TUBGCP5: variants seen among roughly 807,000 people sequenced by gnomAD.
TUBGCP5 encodes tubulin gamma complex component 5.
In TUBGCP5, 98 loss-of-function variants were observed where a neutral mutation model predicts 134.7. The ratio of observed to expected loss-of-function variants is 0.73; its 90% confidence interval spans 0.62 to 0.86. The LOEUF is 0.86. TUBGCP5 is among the 40% of genes least tolerant of loss of function. The pLI is 0.00. For missense variants in TUBGCP5, 1,150 were observed against 1,244.8 expected, an observed-to-expected ratio of 0.92 and a Z score of 1.15; for synonymous variants, 456 against 431.4, an observed-to-expected ratio of 1.06 and a Z score of -0.71.
chr15:23,015,024 C>T (rs1299927183), intron 13 of TUBGCP5, among the ~76,000 whole-genome samples: 4 of 152,132 alleles, frequency 2.6e-5, no homozygotes, highest in African/African-American at 4.8e-5. Context: ...CCACTGTGTA[C>T]ATGCATGTAC....
Position 23,022,174 on chromosome 15 carries a change from A to G in TUBGCP5, c.1169-13T>C, listed in dbSNP as rs1269747344. On this transcript the variant is annotated splice_polypyrimidine_tract_variant and intron_variant, in intron 10 of 22. Transcript: ENST00000615383. ...GTTATTGTAGTATCTGCAAATATCA[A>G]TAAATCAAACTCAACAGCAAGGAAA... 1.9e-6 allele frequency: 3 copies of G among 1,613,046 alleles called. No homozygotes were observed. In the South Asian group the frequency reaches 3.3e-5, roughly 18 times the overall value.
downstream of TUBGCP5, among the ~76,000 whole-genome samples, chr15:22,994,479 G>GT (rs2063980840): frequency 6.6e-6 from 1 of 152,190 alleles, no homozygotes; most frequent in Non-Finnish European, 1.5e-5. Flanking sequence ...CTTAGATTCA[G>GT]TGTAAAGATG....
At chr15:23,035,414 T>C (rs541785521) in intron 3 of TUBGCP5, among the ~76,000 whole-genome samples, 6 of 151,956 alleles carry the variant, frequency 3.9e-5, no homozygotes, top group East Asian at 1.9e-4. Context: ...ACTGGTTTTG[T>C]GGAAGACAAT....
At chr15:23,021,463 C>T (rs963278848) in intron 11 of TUBGCP5, among the ~76,000 whole-genome samples, 2 of 152,068 alleles carry the variant, frequency 1.3e-5, no homozygotes, top group South Asian at 2.1e-4. Flanking sequence ...ATTACAGGCA[C>T]GAGCCACTGT....
intron 13 of TUBGCP5, among the ~76,000 whole-genome samples, chr15:23,015,898 G>C (rs573485294): frequency 1.3e-5 from 2 of 152,232 alleles, no homozygotes; most frequent in Non-Finnish European, 2.9e-5. Flanking sequence ...AATTGGAAAA[G>C]GTGACTTTCC....
chr15:23,032,085 A>T (rs188877510), intron 4 of TUBGCP5, 56 bp from the exon 5 acceptor site: 3 of 1,357,988 alleles, frequency 2.2e-6, no homozygotes, highest in Non-Finnish European at 3.1e-6. Flanking sequence ...TTGAAAAAAA[A>T]CCTCAAAACT....
At chr15:23,022,446 T>A (rs1567144658) in intron 10 of TUBGCP5, among the ~76,000 whole-genome samples, 1 of 152,190 alleles carries the variant, frequency 6.6e-6, no homozygotes. Flanking sequence ...TTGACCTTAC[T>A]TATAATAAAA....
At chr15:23,003,692 C>T (rs1435293210) in intron 20 of TUBGCP5, among the ~76,000 whole-genome samples, 3 of 135,182 alleles carry the variant, frequency 2.2e-5, no homozygotes, top group Non-Finnish European at 4.6e-5. Context: ...GTTACCCAAG[C>T]TGGAGTGGAG....
intron 23 of TUBGCP5, among the ~76,000 whole-genome samples, chr15:22,990,773 C>G (rs2063822530): frequency 6.6e-6 from 1 of 152,134 alleles, no homozygotes; most frequent in Non-Finnish European, 1.5e-5. Context: ...ATGGGATCAT[C>G]TTAGATTATC....
intron 23 of TUBGCP5, among the ~76,000 whole-genome samples, chr15:22,993,576 G>A (rs554031559): frequency 1.5e-3 from 177 of 118,758 alleles, no homozygotes; most frequent in African/African-American, 5.4e-3. Flanking sequence ...ACGGAGTCTC[G>A]CTCTGTCGCC....
chr15:22,994,418 G>A (rs1009340899), downstream of TUBGCP5, among the ~76,000 whole-genome samples: 1 of 152,160 alleles, frequency 6.6e-6, no homozygotes, highest in Non-Finnish European at 1.5e-5. Flanking sequence ...AGGATAGGGC[G>A]ATGTGCAGCA....
In TUBGCP5 at chr15:23,019,321, A is replaced by G. The variant is rs1350750634; in HGVS notation, c.1385T>C (p.Phe462Ser). 1 of 1,613,452 alleles carries G rather than the reference A, an allele frequency of 6.2e-7. No homozygotes were observed. Among genetic ancestry groups the G allele is most frequent in the South Asian group, 1.1e-5 (1 of 90,898 alleles). Residue 462 changes from phenylalanine (F) to serine (S), a missense_variant, in exon 12 of 23, where the codon TTC becomes TCC. Physicochemically the swap from Phe to Ser is radical, Grantham distance 155. This residue lies in a region of TUBGCP5 where 697 missense variants were observed against 850.1 expected (regional missense o/e 0.82). Transcript: ENST00000615383. ...EASEQTVSLLFSLWVETVRPY... is the reference protein window; with the variant it reads ...EASEQTVSLLSSLWVETVRPY... The stretch of plus-strand genomic sequence containing the variant: ...CCGCACCGTTTCCACCCAGAGAGAG[A>G]AAAGGAGGGAGACCTGAGGCAGAGA...
intron 23 of TUBGCP5, among the ~76,000 whole-genome samples, chr15:22,984,446 C>G (rs2063622258): frequency 6.6e-6 from 1 of 152,024 alleles, no homozygotes; most frequent in South Asian, 2.1e-4. Flanking sequence ...GTGGCGAAAC[C>G]CTGTCTCTAC....
chr15:23,030,391 C>G (rs1010771119), intron 6 of TUBGCP5, among the ~76,000 whole-genome samples: 1 of 152,164 alleles, frequency 6.6e-6, no homozygotes, highest in African/African-American at 2.4e-5. Flanking sequence ...CCCTCAGTAT[C>G]CAATGGGGAC....
At chr15:23,032,051 T>C in intron 4 of TUBGCP5, 22 bp from the exon 5 acceptor site, 1 of 1,578,452 alleles carries the variant, frequency 6.3e-7, no homozygotes. Context: ...CAGAAGAACT[T>C]CATTGGCTTT....
At chr15:23,034,434 G>A (rs1160327521) in intron 3 of TUBGCP5, among the ~76,000 whole-genome samples, 1 of 152,192 alleles carries the variant, frequency 6.6e-6, no homozygotes, top group Non-Finnish European at 1.5e-5. Context: ...TGGATAACAA[G>A]GAAGAACAGA....
At chr15:23,027,491 C>T (rs1052293424) in intron 6 of TUBGCP5, among the ~76,000 whole-genome samples, 185 bp from the exon 7 acceptor site, 2 of 152,120 alleles carry the variant, frequency 1.3e-5, no homozygotes, top group Non-Finnish European at 2.9e-5. Flanking sequence ...ATGGCTCACA[C>T]ATATAATCCC....
downstream of TUBGCP5, among the ~76,000 whole-genome samples, chr15:22,995,364 G>A (rs2064020506): frequency 6.6e-6 from 1 of 152,048 alleles, no homozygotes. Flanking sequence ...CCTGGATTCT[G>A]TTGGGAAGCA....
chr15:23,032,789 C>T lies in TUBGCP5; in HGVS notation c.345G>A (p.Leu115=), dbSNP rs61744212. 4,362 of 1,589,834 alleles carry T rather than the reference C, an allele frequency of 2.7e-3. 13 individuals carry two copies. Among genetic ancestry groups the T allele is most frequent in the Non-Finnish European group, 3.5e-3 (4,072 of 1,170,846 alleles). Residue 115 remains leucine, a synonymous_variant, in exon 4 of 23, where the codon CTG becomes CTA. Coordinates refer to ENST00000615383, the MANE Select transcript of TUBGCP5 (RefSeq NM_052903.6). ...TGTTTGAAGGAGAGTCTGACAGACA[C>T]AGAAGAAGTGACAGTATGGAATAAT... is the stretch of plus-strand genomic sequence containing the variant. The part of the protein sequence containing the change: ...DAHYSILSLL[L]CLSDSPSNSS...
Sources: gnomAD v4.1 joint callset for allele counts (sites outside exome capture counted in the v4.1 genomes callset) on GRCh38, gnomAD v4.1.1 for gene constraint, gnomAD v4.1.1 regional missense constraint, MANE v1.5 for transcripts, NCBI Gene and HGNC (gene_info 2026-07-23, HGNC 2026-07-21) for gene names.